Variants in CREB3L2 observed in about 807,000 individuals in gnomAD.
CREB3L2 encodes cyclic AMP-responsive element-binding protein 3-like protein 2.
In CREB3L2, 23 loss-of-function variants were observed where a neutral mutation model predicts 57.2. That is an observed-to-expected ratio of 0.40 (90% CI 0.29 to 0.57). CREB3L2 has a LOEUF of 0.57. Among genes scored for constraint, CREB3L2 ranks in the 20% least tolerant of loss-of-function variants. The pLI is 0.42. For missense variants in CREB3L2, 628 were observed against 634.7 expected (o/e 0.99, Z 0.11); for synonymous variants, 268 against 265.1 (o/e 1.01, Z -0.11).
rs767961892 is a variant in CREB3L2 at position 137,903,977 on chromosome 7, A to G, written c.956T>C (p.Met319Thr). The G allele has an allele frequency of 8.7e-6, 14 of 1,613,910 alleles. No homozygotes were observed. The highest frequency in any genetic ancestry group is 1.2e-5 in the Non-Finnish European group (14 of 1,179,756). ...GGCTTACTTTTTCTCCAGGCTGTCC[A>G]TGTATTCTTTCTTCTTTCTCCTACT... ...QESRRKKKEY[M>T]DSLEKKVESC... The change falls in exon 7 of 12, where the codon ATG (methionine) becomes ACG (threonine). Residue 319 changes from methionine (M) to threonine (T), a missense_variant. Coordinates refer to ENST00000330387, the MANE Select transcript of CREB3L2 (RefSeq NM_194071.4).
chr7:137,962,292 G>A (rs1488346778), intron 1 of CREB3L2, among the ~76,000 whole-genome samples: 1 of 152,128 alleles, frequency 6.6e-6, no homozygotes, highest in Non-Finnish European at 1.5e-5. Flanking sequence ...CTTTGGAACT[G>A]TTCCCTTAAA....
Position 137,876,624 on chromosome 7 carries a change from G to A in CREB3L2, c.*3852C>T, listed in dbSNP as rs1799161768. On this transcript the variant is annotated 3_prime_UTR_variant, in exon 12 of 12. Transcript: ENST00000330387. Reference sequence around the variant, plus strand: ...CTCTCCTGTAACTGCCCTCCCAGCGGGGCCTATCCTAGCATGTGTCTATGG... The same window carrying A: ...CTCTCCTGTAACTGCCCTCCCAGCGAGGCCTATCCTAGCATGTGTCTATGG... 4.3e-6 allele frequency: 1 copy of A among 232,822 alleles called. No homozygotes were observed. The highest frequency in any genetic ancestry group is 8.5e-6 in the Non-Finnish European group (1 of 117,986). The allele number at this position is 232,822 out of a possible 1,614,324, so 14.4% of individuals were successfully genotyped here.
chr7:137,878,912 G>A lies in CREB3L2; in HGVS notation c.*1564C>T, dbSNP rs1261321641. The A allele has an allele frequency of 2.5e-6, 1 of 399,790 alleles. No homozygotes were observed. The highest frequency in any genetic ancestry group is 4.5e-5 in the East Asian group (1 of 22,164). The allele number at this position is 399,790 out of a possible 1,614,324, so 24.8% of individuals were successfully genotyped here. On this transcript the variant is annotated 3_prime_UTR_variant, in exon 12 of 12. Transcript: ENST00000330387. The stretch of plus-strand genomic sequence containing the variant: ...AATAACAATGCAGATGACGTGTGTG[G>A]GGGTGGGTGGTGGGGGGAGAGAGAG...
chr7:137,995,839 G>A (rs1801981544), intron 1 of CREB3L2, among the ~76,000 whole-genome samples: 1 of 152,180 alleles, frequency 6.6e-6, no homozygotes, highest in Admixed American at 6.5e-5. Flanking sequence ...GGGATCATTC[G>A]AGAAGGAGGG....
chr7:137,947,786 T>C (rs937000320), intron 1 of CREB3L2, among the ~76,000 whole-genome samples: 1 of 152,186 alleles, frequency 6.6e-6, no homozygotes, highest in Admixed American at 6.5e-5. Flanking sequence ...AGTAGACACA[T>C]TTATATAAGA....
At chr7:137,934,817 T>C (rs1032694828) in intron 1 of CREB3L2, among the ~76,000 whole-genome samples, 2 of 152,246 alleles carry the variant, frequency 1.3e-5, no homozygotes, top group Non-Finnish European at 2.9e-5. Flanking sequence ...AATCTCTCAG[T>C]TGGAAGAAAC....
At position 137,915,912 on chromosome 7, in the gene CREB3L2, C is replaced by A. The variant is rs147928164; in HGVS notation, c.420G>T (p.Pro140=). Residue 140 remains proline (P), a synonymous_variant, in exon 3 of 12, where the codon CCG becomes CCT. Coordinates refer to ENST00000330387, the MANE Select transcript of CREB3L2 (RefSeq NM_194071.4). ...TGGCTGTGATGGTCAGAGTGACAGA[C>A]GGAACGAGTCCTGGGGGTGGTTCGT... The part of the protein sequence containing the change: ...VTDEPPPGLV[P]SVTLTITAIS... 1 of 1,613,996 alleles carries A rather than the reference C, an allele frequency of 6.2e-7. No individual in the cohort carries two copies. Among genetic ancestry groups the A allele is most frequent in the Admixed American group, 1.7e-5 (1 of 60,004 alleles).
chr7:137,930,161 T>C (rs1800584392), intron 1 of CREB3L2, among the ~76,000 whole-genome samples: 1 of 152,046 alleles, frequency 6.6e-6, no homozygotes, highest in African/African-American at 2.4e-5. Flanking sequence ...CCTCCCAAAG[T>C]GCTGGGATTA....
intron 1 of CREB3L2, among the ~76,000 whole-genome samples, chr7:137,977,597 A>AT (rs1801631330): frequency 6.6e-6 from 1 of 152,130 alleles, no homozygotes; most frequent in Non-Finnish European, 1.5e-5. Flanking sequence ...ATAGATAACC[A>AT]TATGTAACCA....
chr7:137,970,327 ACTTT>A lies in CREB3L2; in HGVS notation c.102+31273_102+31276del, dbSNP rs1246308618. On this transcript the variant is annotated intron_variant, in intron 1 of 11. Coordinates refer to ENST00000330387, the MANE Select transcript of CREB3L2 (RefSeq NM_194071.4). Reference sequence around the variant, plus strand: ...AATAAGCTGACCATTTTGTTTTAGAACTTTCTTTTTCTTTCTTCCTCTTACATAA... The same window carrying A: ...AATAAGCTGACCATTTTGTTTTAGAACTTTTTCTTTCTTCCTCTTACATAA... Among the ~76,000 whole-genome samples the A allele has an allele frequency of 4.6e-5, 7 of 152,330 alleles. No homozygotes were observed. The East Asian group carries it at 1.2e-3, about 25-fold the overall frequency.
At chr7:137,975,222 A>T (rs1801585570) in intron 1 of CREB3L2, among the ~76,000 whole-genome samples, 1 of 152,230 alleles carries the variant, frequency 6.6e-6, no homozygotes, top group Non-Finnish European at 1.5e-5. Context: ...AGTTGTACAG[A>T]ACTCAGGAGG....
In CREB3L2 at chr7:137,908,330, AG is replaced by A. The variant is rs1799934678; in HGVS notation, c.689del (p.Pro230LeufsTer37). ...CAGCTCTGGAGGGGCTGTGGGTCTG[AG>A]GCAGGCTGAAGGGGTGCAGGCGTGG... is the stretch of plus-strand genomic sequence containing the variant. ...PNPRLHPFSL[P>X]QTHSPSRAAP... On this transcript the variant is annotated frameshift_variant, in exon 5 of 12. Coordinates refer to ENST00000330387, the MANE Select transcript of CREB3L2 (RefSeq NM_194071.4). LOFTEE classifies it high-confidence loss of function. 1 of 1,257,070 alleles carries A rather than the reference AG, an allele frequency of 8.0e-7. No individual in the cohort carries two copies. The highest frequency in any genetic ancestry group is 1.0e-6 in the Non-Finnish European group (1 of 992,254). The allele number at this position is 1,257,070 out of a possible 1,614,324, so 77.9% of individuals were successfully genotyped here.
chr7:137,909,098 T>G (rs1020665783), intron 4 of CREB3L2, among the ~76,000 whole-genome samples: 1 of 152,152 alleles, frequency 6.6e-6, no homozygotes. Flanking sequence ...AGAATCCATC[T>G]CAAAAAGCCG....
intron 10 of CREB3L2, 113 bp downstream of exon 10, chr7:137,884,882 T>C (rs1181777099): frequency 5.4e-6 from 8 of 1,468,248 alleles, no homozygotes; most frequent in African/African-American, 1.4e-5. Context: ...AGCTCCACTT[T>C]TACCACTTTT....
At chr7:137,952,819 G>GT (rs952750882) in intron 1 of CREB3L2, among the ~76,000 whole-genome samples, 3 of 151,662 alleles carry the variant, frequency 2.0e-5, no homozygotes, top group Non-Finnish European at 4.4e-5. Flanking sequence ...TTTTGTTTTT[G>GT]TTTTTTTTAG....
At chr7:137,972,684 C>CAAA (rs58627909) in intron 1 of CREB3L2, among the ~76,000 whole-genome samples, 101 of 9,562 alleles carry the variant, frequency 0.011, 8 homozygotes, top group Non-Finnish European at 0.014. Flanking sequence ...CCCGTCTCTA[C>CAAA]AAAAAAAAAA....
chr7:137,946,900 TTATATATATAGTTATATATATAGTTA>T lies in CREB3L2; in HGVS notation c.103-18560_103-18535del, dbSNP rs1563262333. Among the ~76,000 whole-genome samples, 111 of 25,884 alleles carry T rather than the reference TTATATATATAGTTATATATATAGTTA, an allele frequency of 4.3e-3. 4 individuals are homozygous for T. The highest frequency in any genetic ancestry group is 0.013 in the Middle Eastern group (1 of 76). 17.0% of individuals were successfully genotyped at this position (25,884 alleles called of 152,430 possible). ...GTTATCTATATAGTTATATATATAG[TTATATATATAGTTATATATATAGTTA>T]TATATATAGTTATATATATAGTTAT... On this transcript the variant is annotated intron_variant, in intron 1 of 11. Coordinates refer to ENST00000330387, the MANE Select transcript of CREB3L2 (RefSeq NM_194071.4).
In CREB3L2 at chr7:138,001,158, G is replaced by A. The variant is rs186307389; in HGVS notation, c.102+446C>T. Among the ~76,000 whole-genome samples, 148 of 149,562 alleles carry A rather than the reference G, an allele frequency of 9.9e-4. No individual in the cohort carries two copies. Among genetic ancestry groups the A allele is most frequent in the Non-Finnish European group, 1.8e-3 (118 of 67,382 alleles). ...TTTTTAAAATATAAATATGAAAGAA[G>A]AGGAAGGGAGGGAGAGAGGGAGAGA... is the stretch of plus-strand genomic sequence containing the variant. On this transcript the variant is annotated intron_variant, in intron 1 of 11. Transcript: ENST00000330387. The surrounding 1 kb of genome is among the most constrained non-coding windows in gnomAD (Gnocchi z 4.2).
At chr7:137,955,697 C>A (rs1801195823) in intron 1 of CREB3L2, among the ~76,000 whole-genome samples, 1 of 152,134 alleles carries the variant, frequency 6.6e-6, no homozygotes, top group Non-Finnish European at 1.5e-5. Context: ...CTCAAAGAGG[C>A]AGATCTGAGC....
Sources: gnomAD v4.1 joint callset for allele counts (sites outside exome capture counted in the v4.1 genomes callset) on GRCh38, gnomAD v4.1.1 for gene constraint, Gnocchi (gnomAD v3.1) non-coding constraint, MANE v1.5 for transcripts, NCBI Gene and HGNC (gene_info 2026-07-23, HGNC 2026-07-21) for gene names.